Variants in CPEB4 observed in about 807,000 individuals in gnomAD.
The protein encoded by CPEB4 is cytoplasmic polyadenylation element-binding protein 4.
CPEB4 carries 12 observed loss-of-function variants against 72.5 expected under a neutral mutation model. That is an observed-to-expected ratio of 0.17 (90% CI 0.11 to 0.27). CPEB4 has a LOEUF of 0.27. Among genes scored for constraint, CPEB4 ranks in the 10% least tolerant of loss-of-function variants. The pLI is 1.00. For synonymous variants in CPEB4, 302 were observed against 326.3 expected, an observed-to-expected ratio of 0.93 and a Z score of 0.80; for missense variants, 614 against 908.5, an observed-to-expected ratio of 0.68 and a Z score of 4.17.
Position 173,949,949 on chromosome 5 carries a change from CT to C in CPEB4, c.1547-5del, listed in dbSNP as rs748608850. 1.0e-5 allele frequency: 16 copies of C among 1,574,010 alleles called. No homozygotes were observed. Among genetic ancestry groups the C allele is most frequent in the Admixed American group, 3.4e-5 (2 of 58,302 alleles). Reference sequence around the variant, plus strand: ...GAAAACATGTAAGCCTTCTTTCCCCCTTTTTTCCAGGCTATGCATTCCTGCT... The same window carrying C: ...GAAAACATGTAAGCCTTCTTTCCCCCTTTTTCCAGGCTATGCATTCCTGCT... On this transcript the variant is annotated splice_polypyrimidine_tract_variant and intron_variant, in intron 6 of 9. Coordinates refer to ENST00000265085, the MANE Select transcript of CPEB4 (RefSeq NM_030627.4).
chr5:173,917,677 G>T (rs540911384), intron 2 of CPEB4, among the ~76,000 whole-genome samples: 2 of 152,336 alleles, frequency 1.3e-5, no homozygotes, highest in East Asian at 3.9e-4. Context: ...AGTGAGCCAA[G>T]ATCAAGCCAT....
At chr5:173,948,615 G>C (rs1758115713) in intron 5 of CPEB4, among the ~76,000 whole-genome samples, 1 of 152,122 alleles carries the variant, frequency 6.6e-6, no homozygotes, top group Non-Finnish European at 1.5e-5. Context: ...ACAGACCCAG[G>C]TTGAGGGTCA....
At chr5:173,899,614 C>A (rs1756151463) in intron 1 of CPEB4, among the ~76,000 whole-genome samples, 1 of 152,190 alleles carries the variant, frequency 6.6e-6, no homozygotes, top group South Asian at 2.1e-4. Flanking sequence ...TTCCTCCCTT[C>A]ATCTTATCCT....
chr5:173,888,434 C>T lies in CPEB4; in HGVS notation c.-1300C>T. ...GCGGTGGCGGCGGCGGCGGCGGCAG[C>T]AGCGGCGACAGCAGAGGAGGAAGAG... is the stretch of plus-strand genomic sequence containing the variant. On this transcript the variant is annotated 5_prime_UTR_variant, in exon 1 of 10. Transcript: ENST00000265085. This position sits in a 1 kb window ranked among gnomAD's most constrained non-coding sequence, Gnocchi z 4.3. The T allele has an allele frequency of 4.4e-6, 2 of 456,670 alleles. No individual in the cohort carries two copies. Among genetic ancestry groups the T allele is most frequent in the Non-Finnish European group, 7.6e-6 (2 of 264,736 alleles). The allele number at this position is 456,670 out of a possible 1,614,324, so 28.3% of individuals were successfully genotyped here.
intron 2 of CPEB4, among the ~76,000 whole-genome samples, chr5:173,927,860 G>A (rs1490372392): frequency 6.6e-6 from 1 of 152,110 alleles, no homozygotes; most frequent in Non-Finnish European, 1.5e-5. Flanking sequence ...TGTTTATGAC[G>A]GCTTTATTCA....
chr5:173,903,007 G>C (rs1756293874), intron 1 of CPEB4, among the ~76,000 whole-genome samples: 1 of 148,014 alleles, frequency 6.8e-6, no homozygotes, highest in South Asian at 2.1e-4. Context: ...GTGAGAGAGA[G>C]AAGACATGTC....
intron 7 of CPEB4, among the ~76,000 whole-genome samples, chr5:173,951,545 T>C (rs1758216750): frequency 6.6e-6 from 1 of 152,172 alleles, no homozygotes; most frequent in Admixed American, 6.6e-5. Flanking sequence ...CCAAATAAGC[T>C]GAAAAACAGT....
chr5:173,905,019 A>AT (rs1561608976), intron 1 of CPEB4, among the ~76,000 whole-genome samples: 117 of 40,826 alleles, frequency 2.9e-3, no homozygotes, highest in African/African-American at 0.011. Context: ...ATAATAATAA[A>AT]AAAATGTAAC....
chr5:173,889,652 A>T lies in CPEB4; in HGVS notation c.-82A>T, dbSNP rs2113107710. 1 of 1,216,776 alleles carries T rather than the reference A, an allele frequency of 8.2e-7. No individual in the cohort carries two copies. Among genetic ancestry groups the T allele is most frequent in the Non-Finnish European group, 1.2e-6 (1 of 865,432 alleles). 75.4% of individuals were successfully genotyped at this position (1,216,776 alleles called of 1,614,324 possible). ...TTTCAAGCAAGCAAGCAAACAACTT[A>T]AATTTGGGGTAGAGGAAAAAAAAGG... On this transcript the variant is annotated 5_prime_UTR_variant, in exon 1 of 10. Coordinates refer to ENST00000265085, the MANE Select transcript of CPEB4 (RefSeq NM_030627.4).
chr5:173,923,598 G>A (rs555841295), intron 2 of CPEB4, among the ~76,000 whole-genome samples: 8 of 152,146 alleles, frequency 5.3e-5, no homozygotes, highest in African/African-American at 1.9e-4. Context: ...TGCAAGGTAG[G>A]AGAATTTTAA....
chr5:173,924,292 AATT>A (rs1438931163), intron 2 of CPEB4, among the ~76,000 whole-genome samples: 2 of 152,168 alleles, frequency 1.3e-5, no homozygotes, highest in Admixed American at 6.5e-5. Context: ...TTTTCATTAA[AATT>A]ATTATGTATC....
In CPEB4 at chr5:173,889,477, A is replaced by G; in HGVS notation, c.-257A>G. On this transcript the variant is annotated 5_prime_UTR_variant, in exon 1 of 10. Transcript: ENST00000265085. ...CTTGATTTTTACCCTCTTCATTTTT[A>G]TTCCCTCCTAAAAATAAGCCCAATT... is the stretch of plus-strand genomic sequence containing the variant. 5.6e-6 allele frequency: 2 copies of G among 355,218 alleles called. No individual in the cohort carries two copies. Among genetic ancestry groups the G allele is most frequent in the East Asian group, 9.5e-5 (2 of 21,080 alleles). The allele number at this position is 355,218 out of a possible 1,614,324, so 22.0% of individuals were successfully genotyped here.
chr5:173,907,276 C>T (rs1442279892), intron 1 of CPEB4, among the ~76,000 whole-genome samples: 1 of 152,044 alleles, frequency 6.6e-6, no homozygotes, highest in Non-Finnish European at 1.5e-5. Context: ...AAAACAACAA[C>T]AACAACAACA....
rs1755731527 is a variant in CPEB4 at position 173,889,639 on chromosome 5, A to T, written c.-95A>T. 2 of 1,067,358 alleles carry T rather than the reference A, an allele frequency of 1.9e-6. No homozygotes were observed. Among genetic ancestry groups the T allele is most frequent in the Non-Finnish European group, 2.7e-6 (2 of 729,208 alleles). The allele number at this position is 1,067,358 out of a possible 1,614,324, so 66.1% of individuals were successfully genotyped here. ...TATAAATAAGACATTTCAAGCAAGC[A>T]AGCAAACAACTTAAATTTGGGGTAG... On this transcript the variant is annotated 5_prime_UTR_variant, in exon 1 of 10. Transcript: ENST00000265085.
intron 3 of CPEB4, among the ~76,000 whole-genome samples, chr5:173,939,380 A>C (rs1365676016): frequency 6.6e-6 from 1 of 152,092 alleles, no homozygotes; most frequent in Non-Finnish European, 1.5e-5. Flanking sequence ...TACAAATGCC[A>C]CCTACTAGGT....
intron 3 of CPEB4, among the ~76,000 whole-genome samples, chr5:173,935,452 A>G (rs1285417391): frequency 6.6e-6 from 1 of 152,144 alleles, no homozygotes; most frequent in Admixed American, 6.5e-5. Flanking sequence ...TTCCTTGTCC[A>G]CTGTAATCTA....
chr5:173,926,617 G>T (rs889737513), intron 2 of CPEB4, among the ~76,000 whole-genome samples: 2 of 152,180 alleles, frequency 1.3e-5, no homozygotes, highest in Non-Finnish European at 2.9e-5. Flanking sequence ...CAGGCTTCTG[G>T]TTCCAAATTC....
At chr5:173,935,951 A>G (rs945245147) in intron 3 of CPEB4, among the ~76,000 whole-genome samples, 10 of 152,168 alleles carry the variant, frequency 6.6e-5, no homozygotes, top group African/African-American at 2.4e-4. Context: ...TATACCACTC[A>G]TGTTAAAAGG....
chr5:173,905,110 A>G (rs112823936), intron 1 of CPEB4, among the ~76,000 whole-genome samples: 2 of 151,962 alleles, frequency 1.3e-5, no homozygotes, highest in African/African-American at 4.8e-5. Flanking sequence ...TGCTCAATAA[A>G]GGGTAGGTCT....
Sources: gnomAD v4.1 joint callset for allele counts (sites outside exome capture counted in the v4.1 genomes callset) on GRCh38, gnomAD v4.1.1 for gene constraint, Gnocchi (gnomAD v3.1) non-coding constraint, MANE v1.5 for transcripts, NCBI Gene and HGNC (gene_info 2026-07-23, HGNC 2026-07-21) for gene names.